LMO7: variants seen among roughly 807,000 people sequenced by gnomAD.
LMO7 encodes LIM domain 7, also known as LIM domain only protein 7.
Under a neutral mutation model 206.5 loss-of-function variants are expected in LMO7, and 120 were observed. The ratio of observed to expected loss-of-function variants is 0.58; its 90% CI spans 0.50 to 0.68. The LOEUF (loss-of-function observed/expected upper bound fraction) is 0.68. Among genes scored for constraint, LMO7 ranks in the 30% least tolerant of loss-of-function variants. The probability of loss-of-function intolerance (pLI) is 0.00; values close to 1 mark genes in which losing one functional copy is unlikely to be tolerated. For missense variants in LMO7, 1,959 were observed against 1,957.9 expected (o/e 1.00, Z -0.01); for synonymous variants, 706 against 681.5 (o/e 1.04, Z -0.56).
At chr13:75,800,056 A>T (rs995738316) in intron 6 of LMO7, among the ~76,000 whole-genome samples, 3 of 152,224 alleles carry the variant, frequency 2.0e-5, no homozygotes, top group African/African-American at 7.2e-5. Context: ...CCTTGATTCA[A>T]CAAGAAGGAT....
intron 2 of LMO7, chr13:75,628,122 A>C (rs565715335): frequency 6.6e-6 from 1 of 152,350 alleles, no homozygotes; most frequent in South Asian, 2.1e-4. Context: ...AAGGTCGATA[A>C]GAACTTGAGG....
At chr13:75,696,406 G>C (rs143427248) in intron 1 of LMO7, among the ~76,000 whole-genome samples, 2 of 152,250 alleles carry the variant, frequency 1.3e-5, no homozygotes, top group East Asian at 1.9e-4. Flanking sequence ...ATTTAAAGCT[G>C]TGAGATGAGA....
chr13:75,732,676 G>C (rs1027257675), intron 3 of LMO7, among the ~76,000 whole-genome samples: 1 of 152,126 alleles, frequency 6.6e-6, no homozygotes, highest in Non-Finnish European at 1.5e-5. Flanking sequence ...GAGGAACTGC[G>C]TTTCTTTGGA....
intron 1 of LMO7, among the ~76,000 whole-genome samples, chr13:75,702,343 G>T (rs887135638): frequency 1.3e-5 from 2 of 152,192 alleles, no homozygotes; most frequent in Non-Finnish European, 2.9e-5. Flanking sequence ...TGAGATGAAA[G>T]TTGGGGTAGC....
chr13:75,771,826 G>T (rs1318288536), intron 4 of LMO7, among the ~76,000 whole-genome samples: 1 of 151,894 alleles, frequency 6.6e-6, no homozygotes, highest in Non-Finnish European at 1.5e-5. Flanking sequence ...CTATTCCAGA[G>T]ACCAAATTGT....
chr13:75,753,667 C>G (rs146690067), intron 3 of LMO7, among the ~76,000 whole-genome samples: 1 of 152,252 alleles, frequency 6.6e-6, no homozygotes, highest in African/African-American at 2.4e-5. Context: ...ATAAGGGGCT[C>G]TTCCCCTTTT....
intron 4 of LMO7, among the ~76,000 whole-genome samples, chr13:75,761,797 T>C (rs2048256192): frequency 6.6e-6 from 1 of 152,154 alleles, no homozygotes; most frequent in Admixed American, 6.5e-5. Context: ...TTTAATTTTA[T>C]AATAACTATC....
intron 1 of LMO7, among the ~76,000 whole-genome samples, chr13:75,706,476 A>G (rs1397941699): frequency 6.6e-6 from 1 of 152,186 alleles, no homozygotes; most frequent in Non-Finnish European, 1.5e-5. Flanking sequence ...GTGCAGTACA[A>G]ATGTTTTATA....
In LMO7 at chr13:75,855,324, A is replaced by G. The variant is rs750146380; in HGVS notation, c.4726A>G (p.Ile1576Val). The G allele has an allele frequency of 1.2e-5, 19 of 1,613,982 alleles. No homozygotes were observed. Among genetic ancestry groups the G allele is most frequent in the Non-Finnish European group, 1.4e-5 (16 of 1,179,856 alleles). Residue 1576 changes from isoleucine (I) to valine (V), a missense_variant, in exon 29 of 31, where the codon ATC becomes GTC. By Grantham distance (29) the Ile-to-Val change is conservative (BLOSUM62 3). Coordinates refer to ENST00000377534, the MANE Select transcript of LMO7 (RefSeq NM_001306080.2). ...CATTCTGGGCAAAGGAGCCGCCATG[A>G]TCATCGAGTCCCTGGGTCTTTGTTA... ...NNILGKGAAM[I>V]IESLGLCYHL...
intron 15 of LMO7, among the ~76,000 whole-genome samples, chr13:75,830,469 C>G (rs1294218756): frequency 1.3e-5 from 2 of 152,154 alleles, no homozygotes; most frequent in Admixed American, 1.3e-4. Context: ...TTACCAGGCC[C>G]AGTGACATGC....
chr13:75,695,568 A>G (rs553134053), intron 1 of LMO7, among the ~76,000 whole-genome samples: 1 of 152,112 alleles, frequency 6.6e-6, no homozygotes, highest in East Asian at 1.9e-4. Context: ...GATGGTCTTG[A>G]TTTCTTGACC....
intron 27 of LMO7, among the ~76,000 whole-genome samples, chr13:75,850,263 A>G (rs1043678490): frequency 5.9e-5 from 9 of 152,256 alleles, no homozygotes; most frequent in African/African-American, 2.2e-4. Context: ...GTTAAAATTG[A>G]TTAAATTTAA....
chr13:75,742,192 A>T (rs1029020125), intron 3 of LMO7, among the ~76,000 whole-genome samples: 1 of 152,240 alleles, frequency 6.6e-6, no homozygotes, highest in Non-Finnish European at 1.5e-5. Flanking sequence ...CTCTACAATG[A>T]GAACTACCAA....
At chr13:75,809,114 G>GA in intron 10 of LMO7, 40 bp from the exon 11 acceptor site, 1 of 1,525,802 alleles carries the variant, frequency 6.6e-7, no homozygotes, top group Non-Finnish European at 9.1e-7. Context: ...ATATGACTGG[G>GA]AAAAATGACT....
chr13:75,694,391 G>A (rs1475980665), intron 1 of LMO7, among the ~76,000 whole-genome samples: 1 of 152,214 alleles, frequency 6.6e-6, no homozygotes, highest in African/African-American at 2.4e-5. Flanking sequence ...AGGTAGGTAG[G>A]AAGGCCTCAC....
Position 75,856,515 on chromosome 13 carries a change from T to C in LMO7, c.4780T>C (p.Cys1594Arg), listed in dbSNP as rs757650476. 4 of 1,605,834 alleles carry C rather than the reference T, an allele frequency of 2.5e-6. No individual in the cohort carries two copies. Among genetic ancestry groups the C allele is most frequent in the Admixed American group, 1.7e-5 (1 of 59,964 alleles). ...YHLHCFKCVA[C>R]ECDLGGSSSG... ...TTTTTTTGTTCCCCAGTGTGTTGCC[T>C]GTGAGTGTGACCTCGGAGGCTCTTC... Residue 1594 changes from cysteine to arginine, a missense_variant, in exon 30 of 31, where the codon TGT (cysteine) becomes CGT (arginine). Transcript: ENST00000377534.
intron 26 of LMO7, among the ~76,000 whole-genome samples, chr13:75,847,742 ATACTGAAACCAG>A (rs1428368140): frequency 6.6e-6 from 1 of 152,232 alleles, no homozygotes; most frequent in Non-Finnish European, 1.5e-5. Context: ...TAACTGAGTA[ATACTGAAACCAG>A]TACTGATTGT....
intron 4 of LMO7, among the ~76,000 whole-genome samples, chr13:75,773,173 G>T (rs1429671603): frequency 1.3e-5 from 2 of 152,068 alleles, no homozygotes; most frequent in Admixed American, 1.3e-4. Context: ...GTACAGCATT[G>T]AGTAAAGATG....
At chr13:75,813,967 C>G (rs968919010) in intron 11 of LMO7, among the ~76,000 whole-genome samples, 1 of 152,142 alleles carries the variant, frequency 6.6e-6, no homozygotes, top group Non-Finnish European at 1.5e-5. Flanking sequence ...CTTAGTGAGT[C>G]TGTCATAGTA....
Sources: allele counts gnomAD v4.1 joint callset (sites outside exome capture counted in the v4.1 genomes callset), GRCh38; gene constraint gnomAD v4.1.1; transcripts MANE v1.5; gene names NCBI Gene and HGNC (gene_info 2026-07-23, HGNC 2026-07-21).